Variants in LRRC37A3 observed in about 807,000 individuals in gnomAD.
The protein encoded by LRRC37A3 is leucine rich repeat containing 37 member A3.
Under a neutral mutation model 106.2 loss-of-function variants are expected in LRRC37A3, and 25 were observed. That is an observed-to-expected ratio of 0.24 (90% CI 0.17 to 0.33). The LOEUF (loss-of-function observed/expected upper bound fraction) is 0.33. LRRC37A3 is among the 10% of genes least tolerant of loss of function. The pLI, the probability that LRRC37A3 is intolerant of heterozygous loss-of-function variation, is 1.00. For missense variants in LRRC37A3, 712 were observed against 1,644.9 expected (o/e 0.43, Z 9.81); for synonymous variants, 305 against 635.8 (o/e 0.48, Z 7.83).
intron 2 of LRRC37A3, among the ~76,000 whole-genome samples, chr17:64,911,014 T>A (rs1354510891): frequency 6.6e-6 from 1 of 152,176 alleles, no homozygotes; most frequent in African/African-American, 2.4e-5. Context: ...TATCCTCAGA[T>A]CAGCTCCATA....
chr17:64,910,206 T>G (rs892221885), intron 2 of LRRC37A3: 2 of 152,332 alleles, frequency 1.3e-5, no homozygotes, highest in African/African-American at 2.4e-5. Context: ...TTGCCTTACT[T>G]TGCTGAAATG....
chr17:64,870,599 T>C (rs904412827), intron 8 of LRRC37A3, among the ~76,000 whole-genome samples: 19 of 152,120 alleles, frequency 1.2e-4, no homozygotes, highest in Non-Finnish European at 2.5e-4. Context: ...GATATTATTA[T>C]TGCCCTATTT....
rs148746374 is a variant in LRRC37A3, at chr17:64,859,581, C to T, written c.4565G>A (p.Gly1522Asp). 30 of 1,612,786 alleles carry T rather than the reference C, an allele frequency of 1.9e-5. No individual in the cohort carries two copies. The African/African-American group carries it at 3.5e-4, about 19-fold the overall frequency. Residue 1522 changes from glycine to aspartate, a missense_variant, in exon 12 of 15, where the codon GGC (glycine) becomes GAC (aspartate). Transcript: ENST00000584306. ...VTCAKLVSRT[G>D]HLMKLLSGQQ... Reference sequence around the variant, plus strand: ...CCCACTGAGAAGCTTCATCAGGTGGCCTGTCCTGGAGACGAGCTTGGCACA... The same window carrying T: ...CCCACTGAGAAGCTTCATCAGGTGGTCTGTCCTGGAGACGAGCTTGGCACA...
Position 64,896,814 on chromosome 17 carries a change from C to T in LRRC37A3, c.444G>A (p.Lys148=). The change falls in exon 4 of 15, where the codon AAG becomes AAA. Residue 148 remains lysine (K), a synonymous_variant. Transcript: ENST00000584306. ...GCTGAGCTGGATCTTTCTTCAGCTT[C>T]TTGGGCGAAACAGGGAGCCTTTCCT... The part of the protein sequence containing the change: ...SPQERLPVSP[K]KLKKDPAQRW... The T allele has an allele frequency of 6.2e-7, 1 of 1,610,516 alleles. No individual in the cohort carries two copies. The highest frequency in any genetic ancestry group is 8.5e-7 in the Non-Finnish European group (1 of 1,179,942).
At chr17:64,918,988 C>A in intron 1 of LRRC37A3, 118 bp from the exon 2 acceptor site, 1 of 1,216,030 alleles carries the variant, frequency 8.2e-7, no homozygotes, top group Non-Finnish European at 1.0e-6. Context: ...CCCCGCCTCC[C>A]CCCGGCCGGG....
Position 64,863,037 on chromosome 17 carries a change from A to G in LRRC37A3, c.3054-19T>C. On this transcript the variant is annotated intron_variant, in intron 10 of 14. Coordinates refer to ENST00000584306, the MANE Select transcript of LRRC37A3 (RefSeq NM_199340.5). ...TACGATCCTATAGATGAAAACAGAG[A>G]GCAATAAATTAGCGGTAAAGCGGTT... 6.3e-7 allele frequency: 1 copy of G among 1,597,646 alleles called. No homozygotes were observed. Among genetic ancestry groups the G allele is most frequent in the African/African-American group, 1.3e-5 (1 of 74,972 alleles).
chr17:64,865,617 C>T (rs1392398359), intron 10 of LRRC37A3, among the ~76,000 whole-genome samples: 1 of 152,134 alleles, frequency 6.6e-6, no homozygotes, highest in Non-Finnish European at 1.5e-5. Context: ...TATGTCTATA[C>T]ATTTTCTGGA....
chr17:64,884,350 T>TG (rs1567776016), intron 8 of LRRC37A3, among the ~76,000 whole-genome samples: 56 of 150,838 alleles, frequency 3.7e-4, no homozygotes, highest in African/African-American at 1.3e-3. Flanking sequence ...CGATGATGAT[T>TG]ATTATTATTA....
rs778688480 is a variant in LRRC37A3, at chr17:64,860,235, T to G, written c.3911A>C (p.Lys1304Thr). Residue 1304 changes from lysine (K) to threonine (T), a missense_variant, in exon 12 of 15, where the codon AAA becomes ACA. By Grantham distance (78) the Lys-to-Thr change is moderately conservative (BLOSUM62 -1). Transcript: ENST00000584306. ...GGAGCGAGTTTTGTGAAAGCGGTAT[T>G]TTTTTCTGGAATGTACGATGGGTTT... The part of the protein sequence containing the change: ...TSKPIVHSRK[K>T]YRFHKTRSRM... 1 of 1,613,988 alleles carries G rather than the reference T, an allele frequency of 6.2e-7. No homozygotes were observed. The highest frequency in any genetic ancestry group is 1.1e-5 in the South Asian group (1 of 91,074).
intron 8 of LRRC37A3, among the ~76,000 whole-genome samples, chr17:64,875,922 T>C (rs1973496943): frequency 6.6e-6 from 1 of 152,154 alleles, no homozygotes; most frequent in Non-Finnish European, 1.5e-5. Flanking sequence ...AGTGGAGCTT[T>C]AGAGAAGCAA....
rs1378437689 is a variant in LRRC37A3 at position 64,876,122 on chromosome 17, G to C, written c.2907-6956C>G. On this transcript the variant is annotated intron_variant, in intron 8 of 14. Coordinates refer to ENST00000584306, the MANE Select transcript of LRRC37A3 (RefSeq NM_199340.5). The stretch of plus-strand genomic sequence containing the variant: ...TGGCCTCAAGCAATCCTCCTTCCTT[G>C]GCCTCCCAAAGTACAGGGATTATAG... Among the ~76,000 whole-genome samples the C allele has an allele frequency of 3.3e-5, 5 of 152,000 alleles. 1 individual carries two copies. The highest frequency in any genetic ancestry group is 4.4e-5 in the Non-Finnish European group (3 of 67,992).
chr17:64,864,639 C>T, intron 10 of LRRC37A3, among the ~76,000 whole-genome samples: 1 of 151,652 alleles, frequency 6.6e-6, no homozygotes, highest in Non-Finnish European at 1.5e-5. Flanking sequence ...ATTCCATAGC[C>T]AGACTATGCT....
intron 8 of LRRC37A3, among the ~76,000 whole-genome samples, chr17:64,870,402 T>G (rs540070403): frequency 6.6e-6 from 1 of 152,342 alleles, no homozygotes; most frequent in East Asian, 1.9e-4. Flanking sequence ...GGAATCAATT[T>G]TCTTTTTAAT....
At chr17:64,890,814 A>G (rs1402959530) in intron 5 of LRRC37A3, among the ~76,000 whole-genome samples, 2 of 138,034 alleles carry the variant, frequency 1.4e-5, no homozygotes, top group African/African-American at 6.4e-5. Flanking sequence ...CCTGGGCAAC[A>G]AGAACAAAAT....
chr17:64,869,286 C>G lies in LRRC37A3; in HGVS notation c.2907-120G>C, dbSNP rs571048345. Reference sequence around the variant, plus strand: ...TAAAAAAGAAAAAAATGTTTCCTGTCTTTACCTAAGAAATCACCATTAGAC... The same window carrying G: ...TAAAAAAGAAAAAAATGTTTCCTGTGTTTACCTAAGAAATCACCATTAGAC... On this transcript the variant is annotated intron_variant, in intron 8 of 14. Coordinates refer to ENST00000584306, the MANE Select transcript of LRRC37A3 (RefSeq NM_199340.5). The G allele has an allele frequency of 8.3e-5, 127 of 1,524,718 alleles. No individual in the cohort carries two copies. In the South Asian group the frequency reaches 1.4e-3, roughly 17 times the overall value. The allele number at this position is 1,524,718 out of a possible 1,614,324, so 94.4% of individuals were successfully genotyped here. A position where few individuals can be genotyped will look rare whatever the true frequency, so the allele number is the denominator to read the frequency against.
intron 10 of LRRC37A3, among the ~76,000 whole-genome samples, chr17:64,864,506 G>A (rs543570059): frequency 2.6e-5 from 4 of 152,144 alleles, no homozygotes; most frequent in South Asian, 2.1e-4. Flanking sequence ...AGAGGTAACC[G>A]AGACAACTGA....
At chr17:64,866,614 ATATATATATATATATTTTTTTT>A (rs1973100567) in intron 10 of LRRC37A3, among the ~76,000 whole-genome samples, 2 of 23,116 alleles carry the variant, frequency 8.7e-5, no homozygotes, top group African/African-American at 4.3e-4. Context: ...ATATATATAT[ATATATATATATATATTTTTTTT>A]TTTTTTTTTT....
intron 5 of LRRC37A3, among the ~76,000 whole-genome samples, chr17:64,890,164 CT>C (rs1352180851): frequency 1.5e-5 from 2 of 129,170 alleles, no homozygotes; most frequent in African/African-American, 8.4e-5. Context: ...GCCATTCAAC[CT>C]TTTTCCCCCC....
At chr17:64,914,251 G>A (rs1357634663) in intron 2 of LRRC37A3, among the ~76,000 whole-genome samples, 1 of 151,896 alleles carries the variant, frequency 6.6e-6, no homozygotes, top group Non-Finnish European at 1.5e-5. Flanking sequence ...CAAATTCTAA[G>A]ATATGTTTTT....
Sources: gnomAD v4.1 joint callset for allele counts (sites outside exome capture counted in the v4.1 genomes callset) on GRCh38, gnomAD v4.1.1 for gene constraint, MANE v1.5 for transcripts, NCBI Gene and HGNC (gene_info 2026-07-23, HGNC 2026-07-21) for gene names.